Variants in MAPK10 observed in about 807,000 individuals in gnomAD.
MAPK10 encodes JNK3 alpha protein kinase.
In MAPK10, 25 loss-of-function variants were observed where a neutral mutation model predicts 59.3. The ratio of observed to expected loss-of-function variants is 0.42; its 90% CI spans 0.31 to 0.59. The LOEUF (loss-of-function observed/expected upper bound fraction) is 0.59. Among genes scored for constraint, MAPK10 ranks in the 20% least tolerant of loss-of-function variants. The probability of loss-of-function intolerance (pLI) is 0.15; values close to 1 mark genes in which losing one functional copy is unlikely to be tolerated. For missense variants in MAPK10, 351 were observed against 568.9 expected (o/e 0.62, Z 3.90); for synonymous variants, 190 against 200.5 (o/e 0.95, Z 0.44).
chr4:86,473,126 T>C (rs1206080501), intron 1 of MAPK10, among the ~76,000 whole-genome samples: 1 of 152,244 alleles, frequency 6.6e-6, no homozygotes, highest in Non-Finnish European at 1.5e-5. Context: ...TCATTTCTGA[T>C]TCACTTATAT....
chr4:86,499,291 G>T (rs1357192652), intron 1 of MAPK10, among the ~76,000 whole-genome samples: 1 of 152,114 alleles, frequency 6.6e-6, no homozygotes, highest in Non-Finnish European at 1.5e-5. Context: ...AAACAGTTCA[G>T]AGGAGATTTA....
intron 1 of MAPK10, among the ~76,000 whole-genome samples, chr4:86,400,193 C>G (rs1463508295): frequency 6.6e-6 from 1 of 152,118 alleles, no homozygotes. Flanking sequence ...TAGGGTTAGA[C>G]AAGTTTCTGA....
chr4:86,386,471 C>T (rs1741487917), intron 1 of MAPK10, among the ~76,000 whole-genome samples: 1 of 152,156 alleles, frequency 6.6e-6, no homozygotes, highest in Non-Finnish European at 1.5e-5. Flanking sequence ...GTAGGTCTTC[C>T]TAATTCTGAG....
chr4:86,437,628 T>C (rs544311496), intron 1 of MAPK10, among the ~76,000 whole-genome samples: 29 of 152,316 alleles, frequency 1.9e-4, no homozygotes, highest in African/African-American at 6.3e-4. Context: ...GCAGAGGAAA[T>C]TGAATTCTTA....
chr4:86,054,834 G>A (rs540117413), intron 11 of MAPK10, among the ~76,000 whole-genome samples: 4 of 152,190 alleles, frequency 2.6e-5, no homozygotes, highest in South Asian at 2.1e-4. Context: ...TGACACATGC[G>A]GCAATAATAA....
intron 11 of MAPK10, among the ~76,000 whole-genome samples, chr4:86,048,647 C>G (rs2042956995): frequency 6.6e-6 from 1 of 152,038 alleles, no homozygotes; most frequent in Non-Finnish European, 1.5e-5. Flanking sequence ...CTGGAGACCA[C>G]AGAAAACCAC....
intron 1 of MAPK10, among the ~76,000 whole-genome samples, chr4:86,553,824 T>C (rs866299836): frequency 7.9e-5 from 12 of 152,168 alleles, no homozygotes; most frequent in Non-Finnish European, 1.8e-4. Flanking sequence ...ACCCCTTATT[T>C]TCCTTCTACT....
chr4:86,580,434 G>C (rs189548191), intron 1 of MAPK10, among the ~76,000 whole-genome samples: 25 of 152,134 alleles, frequency 1.6e-4, no homozygotes, highest in African/African-American at 4.8e-4. Flanking sequence ...AGGAGGCAGA[G>C]GTTGCAGTGA....
chr4:86,103,275 G>T, intron 5 of MAPK10, 31 bp from the exon 6 acceptor site: 1 of 1,085,962 alleles, frequency 9.2e-7, no homozygotes, highest in South Asian at 1.3e-5. Context: ...CAGAGGAAAC[G>T]AGAGAAAGAA....
chr4:86,254,492 A>T (rs200068603), intron 2 of MAPK10, among the ~76,000 whole-genome samples: 1 of 108,954 alleles, frequency 9.2e-6, no homozygotes, highest in South Asian at 2.9e-4. Flanking sequence ...GCTTTGAGTG[A>T]GATTCTTAAT....
chr4:86,267,129 T>G (rs2094274557), intron 2 of MAPK10, among the ~76,000 whole-genome samples: 1 of 151,956 alleles, frequency 6.6e-6, no homozygotes, highest in Non-Finnish European at 1.5e-5. Context: ...CATTTGAAAA[T>G]GAATTAATGG....
Position 86,368,940 on chromosome 4 carries a change from C to T in MAPK10, c.-121-14296G>A, listed in dbSNP as rs115024205. On this transcript the variant is annotated intron_variant, in intron 1 of 13. Coordinates refer to the MAPK10 transcript ENST00000361569. ...TTTGAACAATGATGCTAATAGAAAA[C>T]GCCCTTTTCTTAGATCCCAGCAGAA... Among the ~76,000 whole-genome samples, 1,004 of 152,104 alleles carry T rather than the reference C, an allele frequency of 6.6e-3. 7 individuals carry two copies. The highest frequency in any genetic ancestry group is 0.016 in the East Asian group (84 of 5,174).
chr4:86,209,536 G>T (rs961081041), intron 2 of MAPK10, among the ~76,000 whole-genome samples: 1 of 152,042 alleles, frequency 6.6e-6, no homozygotes, highest in Non-Finnish European at 1.5e-5. Flanking sequence ...AACAGCAAAC[G>T]ATGGGATAGA....
At chr4:86,143,703 G>C (rs549098277) in intron 4 of MAPK10, among the ~76,000 whole-genome samples, 4 of 152,218 alleles carry the variant, frequency 2.6e-5, no homozygotes, top group African/African-American at 9.6e-5. Flanking sequence ...CATATTAAGT[G>C]CTTCATTAAA....
intron 1 of MAPK10, among the ~76,000 whole-genome samples, chr4:86,495,026 A>G (rs1212095269): frequency 6.6e-6 from 1 of 152,048 alleles, no homozygotes; most frequent in Non-Finnish European, 1.5e-5. Context: ...TTATATTAGA[A>G]TTAAGGTCCA....
At chr4:86,048,891 T>G (rs2043002145) in intron 11 of MAPK10, among the ~76,000 whole-genome samples, 1 of 152,118 alleles carries the variant, frequency 6.6e-6, no homozygotes, top group South Asian at 2.1e-4. Flanking sequence ...TTTTTCCCCT[T>G]CATACCACTA....
intron 2 of MAPK10, among the ~76,000 whole-genome samples, chr4:86,341,627 A>G (rs1578549274): frequency 6.6e-6 from 1 of 152,110 alleles, no homozygotes; most frequent in Non-Finnish European, 1.5e-5. Context: ...TATATGAAAG[A>G]GCAATGAATA....
intron 1 of MAPK10, among the ~76,000 whole-genome samples, chr4:86,540,706 G>A (rs1018619847): frequency 2.6e-5 from 4 of 152,170 alleles, no homozygotes; most frequent in East Asian, 1.9e-4. Flanking sequence ...GGGCTGCAGG[G>A]AAGAGCATGG....
chr4:86,136,431 A>C (rs1032997679), intron 4 of MAPK10, among the ~76,000 whole-genome samples: 1 of 151,908 alleles, frequency 6.6e-6, no homozygotes, highest in African/African-American at 2.4e-5. Context: ...TATCCAGCCA[A>C]ACTAAGCTTC....
Sources: gnomAD v4.1 joint callset for allele counts (sites outside exome capture counted in the v4.1 genomes callset) on GRCh38, gnomAD v4.1.1 for gene constraint, MANE v1.5 for transcripts, NCBI Gene and HGNC (gene_info 2026-07-23, HGNC 2026-07-21) for gene names.